The following GPC5 variants were observed in gnomAD, a reference collection of about 807,000 sequenced individuals.
The protein encoded by GPC5 is glypican-5.
A neutral mutation model predicts 53.9 loss-of-function variants in GPC5; 47 were observed. The ratio of observed to expected loss-of-function variants is 0.87; its 90% CI spans 0.69 to 1.11. The LOEUF is 1.11. Among genes scored for constraint, GPC5 ranks in the 50% most tolerant of loss-of-function variants. GPC5 has a pLI of 0.00. For synonymous variants in GPC5, 286 were observed against 263.3 expected, an observed-to-expected ratio of 1.09 and a Z score of -0.84; for missense variants, 748 against 713.1, an observed-to-expected ratio of 1.05 and a Z score of -0.56.
chr13:91,847,444 A>G (rs2038864486), intron 5 of GPC5, among the ~76,000 whole-genome samples: 1 of 152,100 alleles, frequency 6.6e-6, no homozygotes, highest in African/African-American at 2.4e-5. Context: ...TTCAACTGAA[A>G]AAAATGCTGT....
intron 2 of GPC5, among the ~76,000 whole-genome samples, chr13:91,508,749 A>G (rs1885081645): frequency 6.6e-6 from 1 of 152,222 alleles, no homozygotes; most frequent in Non-Finnish European, 1.5e-5. Context: ...ATCTTCCTGT[A>G]AAAGTAACAT....
intron 7 of GPC5, among the ~76,000 whole-genome samples, chr13:92,181,474 A>C (rs1235180035): frequency 2.6e-5 from 4 of 152,224 alleles, no homozygotes; most frequent in African/African-American, 9.6e-5. Flanking sequence ...TCATTGCTAT[A>C]TATCATGCTA....
At chr13:92,614,109 C>T (rs1594349239) in intron 7 of GPC5, among the ~76,000 whole-genome samples, 1 of 152,112 alleles carries the variant, frequency 6.6e-6, no homozygotes, top group Non-Finnish European at 1.5e-5. Flanking sequence ...AAGAATGAAT[C>T]TCCACCCTAT....
At chr13:92,393,024 T>C (rs1271433866) in intron 7 of GPC5, among the ~76,000 whole-genome samples, 1 of 152,210 alleles carries the variant, frequency 6.6e-6, no homozygotes, top group East Asian at 1.9e-4. Flanking sequence ...GTAAGTATCA[T>C]TTAACCCAGC....
At chr13:92,489,876 G>A (rs200748224) in intron 7 of GPC5, among the ~76,000 whole-genome samples, 17 of 147,744 alleles carry the variant, frequency 1.2e-4, no homozygotes, top group Non-Finnish European at 1.2e-4. Context: ...ATTGCAAACA[G>A]AAAAAAAAAA....
At chr13:92,013,631 T>C (rs2148445) in intron 6 of GPC5, among the ~76,000 whole-genome samples, 139,862 of 152,246 alleles carry the variant, frequency 0.92, 65,474 homozygotes, top group East Asian at 1. Context: ...GGCTTAAAGG[T>C]GGGTTTCACC....
intron 5 of GPC5, among the ~76,000 whole-genome samples, chr13:91,778,243 G>A (rs463056): frequency 0.73 from 111,044 of 151,978 alleles, 40,868 homozygotes; most frequent in East Asian, 0.89. Flanking sequence ...CTAGAGCAAA[G>A]TCTTCAGGAG....
At chr13:92,668,221 G>T (rs1231179979) in intron 7 of GPC5, among the ~76,000 whole-genome samples, 2 of 152,058 alleles carry the variant, frequency 1.3e-5, no homozygotes, top group Admixed American at 1.3e-4. Flanking sequence ...CATTGTAGAA[G>T]TTCTGATAAT....
intron 2 of GPC5, among the ~76,000 whole-genome samples, chr13:91,530,239 T>C (rs1886280523): frequency 6.6e-6 from 1 of 152,240 alleles, no homozygotes; most frequent in Admixed American, 6.5e-5. Context: ...TATGCAGTCA[T>C]GTTTGGATAT....
intron 5 of GPC5, among the ~76,000 whole-genome samples, chr13:91,829,569 G>C (rs2038624224): frequency 6.6e-6 from 1 of 152,066 alleles, no homozygotes; most frequent in South Asian, 2.1e-4. Flanking sequence ...TGAGTAAATA[G>C]AGCAAAATGT....
At chr13:91,670,534 C>G (rs1041411626) in intron 2 of GPC5, among the ~76,000 whole-genome samples, 1 of 152,150 alleles carries the variant, frequency 6.6e-6, no homozygotes, top group Admixed American at 6.6e-5. Flanking sequence ...AATCTTACCA[C>G]AGAAAGAAAA....
chr13:92,097,942 T>C (rs549347344), intron 6 of GPC5, among the ~76,000 whole-genome samples: 1 of 152,246 alleles, frequency 6.6e-6, no homozygotes, highest in Non-Finnish European at 1.5e-5. Context: ...TTTGCCTGTC[T>C]GGATTATGAG....
intron 4 of GPC5, among the ~76,000 whole-genome samples, chr13:91,753,749 C>G (rs559443205): frequency 2.4e-4 from 37 of 152,276 alleles, no homozygotes; most frequent in African/African-American, 8.7e-4. Context: ...CTGCATACTA[C>G]CCGTATTTTC....
chr13:92,090,650 C>A (rs1246973950), intron 6 of GPC5, among the ~76,000 whole-genome samples: 1 of 152,124 alleles, frequency 6.6e-6, no homozygotes, highest in African/African-American at 2.4e-5. Flanking sequence ...ATGGGAAACC[C>A]GTTAATATTG....
chr13:91,802,112 C>T (rs1467750420), intron 5 of GPC5, among the ~76,000 whole-genome samples: 1 of 152,188 alleles, frequency 6.6e-6, no homozygotes. Flanking sequence ...GAATTGGTTC[C>T]TTCTGGTGGG....
At chr13:91,888,006 T>C (rs2039344292) in intron 5 of GPC5, among the ~76,000 whole-genome samples, 1 of 152,192 alleles carries the variant, frequency 6.6e-6, no homozygotes, top group Non-Finnish European at 1.5e-5. Flanking sequence ...TACCCTACTC[T>C]ACCAGTACCA....
intron 7 of GPC5, among the ~76,000 whole-genome samples, chr13:92,418,096 G>A: frequency 6.6e-6 from 1 of 152,256 alleles, no homozygotes; most frequent in South Asian, 2.1e-4. Context: ...TTTAGAATTG[G>A]TGAATTTATA....
intron 7 of GPC5, among the ~76,000 whole-genome samples, chr13:92,486,512 G>A (rs750008273): frequency 3.9e-5 from 6 of 152,124 alleles, no homozygotes; most frequent in Non-Finnish European, 8.8e-5. Context: ...AAAATACTGT[G>A]TTTGATTTGT....
chr13:91,660,513 C>G (rs1169989248), intron 2 of GPC5, among the ~76,000 whole-genome samples: 1 of 152,178 alleles, frequency 6.6e-6, no homozygotes, highest in Non-Finnish European at 1.5e-5. Context: ...GTAGAAGATC[C>G]TCAGCTGAGA....
Sources: gnomAD v4.1 joint callset for allele counts (sites outside exome capture counted in the v4.1 genomes callset) on GRCh38, gnomAD v4.1.1 for gene constraint, MANE v1.5 for transcripts, NCBI Gene and HGNC (gene_info 2026-07-23, HGNC 2026-07-21) for gene names.